Variants in MORC1 observed in about 807,000 individuals in gnomAD.
The protein encoded by MORC1 is MORC family CW-type zinc finger protein 1.
In MORC1, 59 loss-of-function variants were observed where a neutral mutation model predicts 134.9. That is an observed-to-expected ratio of 0.44 (90% CI 0.35 to 0.54). The LOEUF is 0.54. Among genes scored for constraint, MORC1 ranks in the 20% least tolerant of loss-of-function variants. The probability of loss-of-function intolerance (pLI) is 0.00; values close to 1 mark genes in which losing one functional copy is unlikely to be tolerated. For synonymous variants in MORC1, 395 were observed against 391.7 expected (o/e 1.01, Z -0.10); for missense variants, 947 against 1,134.5 (o/e 0.83, Z 2.37).
intron 15 of MORC1, among the ~76,000 whole-genome samples, chr3:109,033,095 T>C (rs564505286): frequency 3.0e-4 from 45 of 149,322 alleles, no homozygotes; most frequent in Non-Finnish European, 5.9e-4. Flanking sequence ...AAATAATACA[T>C]CCACTTCACC....
At chr3:109,073,040 C>T (rs1018170850) in intron 8 of MORC1, among the ~76,000 whole-genome samples, 1 of 151,980 alleles carries the variant, frequency 6.6e-6, no homozygotes, top group African/African-American at 2.4e-5. Context: ...AAACTGGCTT[C>T]ATAGTCTGTG....
chr3:109,083,679 T>C (rs1233853330), intron 8 of MORC1, among the ~76,000 whole-genome samples: 1 of 152,186 alleles, frequency 6.6e-6, no homozygotes, highest in Non-Finnish European at 1.5e-5. Context: ...AGCATTGCCC[T>C]GATACCAAAA....
At chr3:109,065,846 A>G (rs768073840) in intron 9 of MORC1, among the ~76,000 whole-genome samples, 23 of 152,240 alleles carry the variant, frequency 1.5e-4, no homozygotes, top group Non-Finnish European at 2.5e-4. Context: ...ATAAAAAAGA[A>G]TAAAATAATG....
At chr3:108,994,771 T>C (rs750328603) in intron 21 of MORC1, among the ~76,000 whole-genome samples, 2 of 152,082 alleles carry the variant, frequency 1.3e-5, no homozygotes, top group Non-Finnish European at 2.9e-5. Context: ...ATCGGTAATT[T>C]TATTCCCCTG....
chr3:109,075,258 A>T (rs564574223), intron 8 of MORC1, among the ~76,000 whole-genome samples: 1 of 152,306 alleles, frequency 6.6e-6, no homozygotes, highest in Admixed American at 6.5e-5. Flanking sequence ...CTAAGAATAC[A>T]TATTATTCTC....
At chr3:109,032,608 T>C (rs1353946791) in intron 16 of MORC1, 112 bp downstream of exon 16, 1 of 703,486 alleles carries the variant, frequency 1.4e-6, no homozygotes, top group Admixed American at 3.1e-5. Flanking sequence ...TTTGAAGAGA[T>C]ACCAGATACT....
Position 109,003,065 on chromosome 3 carries a change from T to C in MORC1, c.2085+1752A>G, listed in dbSNP as rs138954042. On this transcript the variant is annotated intron_variant, in intron 20 of 27. Transcript: ENST00000232603. The stretch of plus-strand genomic sequence containing the variant: ...GGAAGATGTTCCTGTCCTATCAGAG[T>C]CAAAAACCCTTATTATAAACAGTCA... Among the ~76,000 whole-genome samples the C allele has an allele frequency of 3.9e-4, 59 of 152,160 alleles. 1 individual carries two copies. The East Asian group carries it at 0.01, about 27-fold the overall frequency.
intron 1 of MORC1, among the ~76,000 whole-genome samples, chr3:109,117,350 A>G (rs866768745): frequency 0.015 from 2,236 of 146,070 alleles, 56 homozygotes; most frequent in African/African-American, 0.052. Flanking sequence ...AAAAAAAAAA[A>G]AAAGAAACAT....
Position 108,979,564 on chromosome 3 carries a change from G to C in MORC1, c.2428C>G (p.Gln810Glu). Residue 810 changes from glutamine (Q) to glutamate (E), a missense_variant, in exon 24 of 28, where the codon CAA (glutamine) becomes GAA (glutamate). Transcript: ENST00000232603. ...CKVASSPASS[Q>E]STPVKETVRK... ...ACTGTTTCCTTGACAGGTGTGCTTTGAGAAGACGCTGGCGAAGAAGCAACT... is the reference window on the plus strand; with the variant it reads ...ACTGTTTCCTTGACAGGTGTGCTTTCAGAAGACGCTGGCGAAGAAGCAACT... 5 of 1,614,164 alleles carry C rather than the reference G, an allele frequency of 3.1e-6. No individual in the cohort carries two copies. The highest frequency in any genetic ancestry group is 4.2e-6 in the Non-Finnish European group (5 of 1,180,008).
At chr3:109,100,799 T>C (rs945432271) in intron 4 of MORC1, among the ~76,000 whole-genome samples, 1 of 152,242 alleles carries the variant, frequency 6.6e-6, no homozygotes, top group African/African-American at 2.4e-5. Context: ...CAGACTTTTT[T>C]TTTGTCATTA....
rs145777670 is a variant in MORC1 at position 109,055,227 on chromosome 3, T to A, written c.1176-345A>T. Among the ~76,000 whole-genome samples, 531 of 152,322 alleles carry A rather than the reference T, an allele frequency of 3.5e-3. 3 individuals are homozygous for A. Among genetic ancestry groups the A allele is most frequent in the African/African-American group, 0.012 (510 of 41,554 alleles). ...CTTACTGCAATAAAGGGCATGATCT[T>A]CTAAATGACAGTGGCCAGAGAACCC... is the stretch of plus-strand genomic sequence containing the variant. On this transcript the variant is annotated intron_variant, in intron 13 of 27. Coordinates refer to ENST00000232603, the MANE Select transcript of MORC1 (RefSeq NM_014429.4).
At position 109,032,132 on chromosome 3, in the gene MORC1, C is replaced by G. The variant is rs1346928617; in HGVS notation, c.1565+588G>C. 3.9e-5 allele frequency among the ~76,000 whole-genome samples: 6 copies of G among 152,162 alleles called. No homozygotes were observed. The South Asian group carries it at 1.2e-3, about 32-fold the overall frequency. On this transcript the variant is annotated intron_variant, in intron 16 of 27. Transcript: ENST00000232603. ...CGTATCCAGCTCAAAGGACTTAGAA[C>G]AGACTGCATGGAAAAGCAATGCTTG... is the stretch of plus-strand genomic sequence containing the variant.
chr3:108,964,443 C>T (rs1354608681), intron 26 of MORC1, among the ~76,000 whole-genome samples: 7 of 152,128 alleles, frequency 4.6e-5, no homozygotes. Context: ...TGTAAGGTAG[C>T]CTCATTTGTC....
chr3:109,085,694 G>C (rs1452464389), intron 8 of MORC1, among the ~76,000 whole-genome samples: 1 of 152,126 alleles, frequency 6.6e-6, no homozygotes, highest in Non-Finnish European at 1.5e-5. Flanking sequence ...TTGGAGAATA[G>C]TATGAAGGCT....
intron 9 of MORC1, among the ~76,000 whole-genome samples, chr3:109,066,051 G>C (rs1276921354): frequency 1.3e-5 from 2 of 151,984 alleles, no homozygotes; most frequent in South Asian, 2.1e-4. Context: ...GGCATGGGTA[G>C]AAATGATCCC....
At chr3:108,967,969 A>G (rs1947266364) in intron 26 of MORC1, among the ~76,000 whole-genome samples, 1 of 152,222 alleles carries the variant, frequency 6.6e-6, no homozygotes, top group Non-Finnish European at 1.5e-5. Context: ...CTGAATCTCT[A>G]TTTCCTCATT....
intron 4 of MORC1, among the ~76,000 whole-genome samples, chr3:109,101,831 A>G (rs948433123): frequency 6.6e-5 from 10 of 152,234 alleles, no homozygotes; most frequent in Non-Finnish European, 5.9e-5. Context: ...AAACCTGCCC[A>G]AGGTCACAGA....
chr3:109,103,195 GA>G (rs1950962034), intron 4 of MORC1, among the ~76,000 whole-genome samples: 1 of 152,120 alleles, frequency 6.6e-6, no homozygotes, highest in Non-Finnish European at 1.5e-5. Context: ...CATGTTTAAA[GA>G]ATTCAGAAAT....
chr3:109,022,343 C>G (rs1948978017), intron 17 of MORC1, among the ~76,000 whole-genome samples: 2 of 152,202 alleles, frequency 1.3e-5, no homozygotes, highest in Non-Finnish European at 2.9e-5. Flanking sequence ...CAAAGCTGTA[C>G]TCAGATACGC....
Sources: gnomAD v4.1 joint callset for allele counts (sites outside exome capture counted in the v4.1 genomes callset) on GRCh38, gnomAD v4.1.1 for gene constraint, MANE v1.5 for transcripts, NCBI Gene and HGNC (gene_info 2026-07-23, HGNC 2026-07-21) for gene names.